The following PLEKHA5 variants were observed in gnomAD, a reference collection of about 807,000 sequenced individuals.
The protein encoded by PLEKHA5 is pleckstrin homology domain containing A5.
PLEKHA5 carries 55 observed loss-of-function variants against 181.9 expected under a neutral mutation model. The observed-to-expected ratio is 0.30, with a 90% confidence interval of 0.24 to 0.38. The LOEUF (loss-of-function observed/expected upper bound fraction) is 0.38, where lower values mean the gene tolerates loss of function less well. Ranked by LOEUF, PLEKHA5 falls within the 10% of genes least tolerant of loss-of-function variation. The pLI, the probability that PLEKHA5 is intolerant of heterozygous loss-of-function variation, is 1.00. For missense variants in PLEKHA5, 1,432 were observed against 1,549.5 expected (o/e 0.92, Z 1.27); for synonymous variants, 535 against 529.4 (o/e 1.01, Z -0.15).
At chr12:19,144,246 C>G (rs1328855514) in intron 3 of PLEKHA5, among the ~76,000 whole-genome samples, 5 of 152,198 alleles carry the variant, frequency 3.3e-5, no homozygotes. Flanking sequence ...TACCCCAGAA[C>G]TCAGTGGCTT....
At chr12:19,324,676 T>A (rs1183207611) in intron 20 of PLEKHA5, among the ~76,000 whole-genome samples, 2 of 152,148 alleles carry the variant, frequency 1.3e-5, no homozygotes, top group Non-Finnish European at 2.9e-5. Context: ...AGAAGAGAAG[T>A]GAAGAGTGGT....
rs75732075 is a variant in PLEKHA5 at position 19,161,802 on chromosome 12, A to G, written c.227+29352A>G. ...TTTCTAGGAGCAAAAACTTTTTGGC[A>G]TTGAAAGAAGAGGATTTACTATAAC... On this transcript the variant is annotated intron_variant, in intron 3 of 31. Coordinates refer to ENST00000429027, the MANE Select transcript of PLEKHA5 (RefSeq NM_001256470.2). Among the ~76,000 whole-genome samples the G allele has an allele frequency of 8.0e-3, 1,217 of 152,304 alleles. 15 individuals are homozygous for G. The highest frequency in any genetic ancestry group is 0.028 in the African/African-American group (1,151 of 41,570).
In PLEKHA5 at chr12:19,347,176, T is replaced by C; in HGVS notation, c.2892T>C (p.Ser964=). The C allele has an allele frequency of 6.5e-7, 1 of 1,536,456 alleles. No individual in the cohort carries two copies. Among genetic ancestry groups the C allele is most frequent in the Non-Finnish European group, 8.8e-7 (1 of 1,134,044 alleles). ...YQVQGYPRNG[S]HCGPDYRLYK... is the part of the protein sequence containing the mutation. ...TTCAAGGATATCCAAGAAATGGATC[T>C]CACTGTGTAAGTGGCTGGAATAGCC... is the stretch of plus-strand genomic sequence containing the variant. Residue 964 remains serine (S), a synonymous_variant, in exon 24 of 32, where the codon TCT becomes TCC. Transcript: ENST00000429027.
At chr12:19,306,398 G>A (rs930721359) in intron 15 of PLEKHA5, 1 of 539,440 alleles carries the variant, frequency 1.9e-6, no homozygotes, top group Admixed American at 2.2e-5. Flanking sequence ...GCGGCGTGCA[G>A]TGGGGTAGAG....
At chr12:19,249,017 A>G (rs2064518122) in intron 3 of PLEKHA5, among the ~76,000 whole-genome samples, 1 of 152,140 alleles carries the variant, frequency 6.6e-6, no homozygotes, top group African/African-American at 2.4e-5. Context: ...TCACTGCTTT[A>G]TGATACATTT....
At chr12:19,273,142 T>C (rs372637138) in intron 10 of PLEKHA5, among the ~76,000 whole-genome samples, 2 of 152,232 alleles carry the variant, frequency 1.3e-5, no homozygotes, top group South Asian at 2.1e-4. Context: ...CACCTGATCT[T>C]AGGTGATCCA....
intron 3 of PLEKHA5, chr12:19,200,285 T>G: frequency 6.9e-7 from 1 of 1,458,382 alleles, no homozygotes; most frequent in Non-Finnish European, 9.2e-7. Flanking sequence ...AAAAAAAATT[T>G]AAACATTAAA....
At chr12:19,351,215 C>T (rs866378471) in intron 25 of PLEKHA5, among the ~76,000 whole-genome samples, 3 of 152,054 alleles carry the variant, frequency 2.0e-5, no homozygotes, top group African/African-American at 7.2e-5. Context: ...GGATTACAGG[C>T]GTGAGCCACC....
chr12:19,366,979 G>A (rs1309533914), intron 30 of PLEKHA5, among the ~76,000 whole-genome samples: 4 of 151,884 alleles, frequency 2.6e-5, no homozygotes, highest in Non-Finnish European at 5.9e-5. Flanking sequence ...GTGCAGTGGC[G>A]CTATCTTGGC....
rs1242040458 is a variant in PLEKHA5, at chr12:19,316,564, A to G, written c.2118+1670A>G. ...AGAAAACTAAAATTGTATAGAACAG[A>G]AAGATCTGAATGTCTAATGTCAGCA... On this transcript the variant is annotated intron_variant, in intron 16 of 31. Transcript: ENST00000429027. Among the ~76,000 whole-genome samples, 3 of 152,206 alleles carry G rather than the reference A, an allele frequency of 2.0e-5. No homozygotes were observed. In the East Asian group the frequency reaches 5.8e-4, roughly 29 times the overall value.
At chr12:19,329,441 C>G (rs1163827284) in intron 20 of PLEKHA5, among the ~76,000 whole-genome samples, 1 of 152,110 alleles carries the variant, frequency 6.6e-6, no homozygotes, top group East Asian at 1.9e-4. Flanking sequence ...TGGTAGAAAT[C>G]GGCTGTGAAT....
At position 19,192,377 on chromosome 12, in the gene PLEKHA5, C is replaced by T. The variant is rs547849864; in HGVS notation, c.227+59927C>T. Reference sequence around the variant, plus strand: ...ATGAAAAATTAAATATTAAGGAGAACCCTAATGAAATTATAAGAATAGAAA... The same window carrying T: ...ATGAAAAATTAAATATTAAGGAGAATCCTAATGAAATTATAAGAATAGAAA... On this transcript the variant is annotated intron_variant, in intron 3 of 31. Coordinates refer to ENST00000429027, the MANE Select transcript of PLEKHA5 (RefSeq NM_001256470.2). Among the ~76,000 whole-genome samples, 3 of 152,140 alleles carry T rather than the reference C, an allele frequency of 2.0e-5. No homozygotes were observed. The South Asian group carries it at 6.2e-4, about 32-fold the overall frequency.
intron 3 of PLEKHA5, among the ~76,000 whole-genome samples, chr12:19,169,844 C>T (rs1815674236): frequency 6.6e-6 from 1 of 152,192 alleles, no homozygotes; most frequent in African/African-American, 2.4e-5. Context: ...ACTTGCAGTT[C>T]TTTCTCATCT....
At chr12:19,177,761 C>T (rs2047659124) in intron 3 of PLEKHA5, among the ~76,000 whole-genome samples, 1 of 152,142 alleles carries the variant, frequency 6.6e-6, no homozygotes, top group Admixed American at 6.5e-5. Flanking sequence ...TATTTATTTA[C>T]TTCAATAAGT....
chr12:19,181,434 G>C (rs1455503441), intron 3 of PLEKHA5, among the ~76,000 whole-genome samples: 1 of 152,178 alleles, frequency 6.6e-6, no homozygotes, highest in East Asian at 1.9e-4. Flanking sequence ...AAAAGGTGAT[G>C]CTGAAAAAAC....
intron 3 of PLEKHA5, among the ~76,000 whole-genome samples, chr12:19,163,556 A>T (rs1263706049): frequency 1.3e-5 from 2 of 152,124 alleles, no homozygotes; most frequent in East Asian, 3.9e-4. Flanking sequence ...GATGAAGGTT[A>T]TGTACCTTCA....
At chr12:19,133,943 A>G (rs957158015) in intron 3 of PLEKHA5, among the ~76,000 whole-genome samples, 1 of 152,078 alleles carries the variant, frequency 6.6e-6, no homozygotes, top group Non-Finnish European at 1.5e-5. Flanking sequence ...AGTATGGTAT[A>G]TGTGAAGAAA....
chr12:19,227,702 A>G (rs2059894039), intron 3 of PLEKHA5, among the ~76,000 whole-genome samples: 1 of 152,210 alleles, frequency 6.6e-6, no homozygotes, highest in South Asian at 2.1e-4. Flanking sequence ...CAGGAAATGT[A>G]GTACTTTTGC....
intron 6 of PLEKHA5, among the ~76,000 whole-genome samples, chr12:19,259,993 T>C (rs1565532003): frequency 6.6e-6 from 1 of 152,002 alleles, no homozygotes; most frequent in South Asian, 2.1e-4. Flanking sequence ...TTGGTATCTG[T>C]TTAATTCTCA....
Sources: allele counts gnomAD v4.1 joint callset (sites outside exome capture counted in the v4.1 genomes callset), GRCh38; gene constraint gnomAD v4.1.1; transcripts MANE v1.5; gene names NCBI Gene and HGNC (gene_info 2026-07-23, HGNC 2026-07-21).